Variants in TCF20 observed in about 807,000 individuals in gnomAD.
The protein encoded by TCF20 is SPRE-binding protein.
Under a neutral mutation model 148.6 loss-of-function variants are expected in TCF20, and 3 were observed. The ratio of observed to expected loss-of-function variants is 0.02; its 90% CI spans 0.01 to 0.05. The LOEUF is 0.05. Ranked by LOEUF, TCF20 falls within the 10% of genes least tolerant of loss-of-function variation. The pLI, the probability that TCF20 is intolerant of heterozygous loss-of-function variation, is 1.00. For missense variants in TCF20, 2,350 were observed against 2,429.3 expected (o/e 0.97, Z 0.69); for synonymous variants, 1,049 against 909.5 (o/e 1.15, Z -2.76).
intron 1 of TCF20, among the ~76,000 whole-genome samples, chr22:42,243,486 C>T (rs1924644679): frequency 6.6e-6 from 1 of 151,748 alleles, no homozygotes; most frequent in African/African-American, 2.4e-5. Context: ...CCTGTAATCC[C>T]AGCTACTCAG....
At chr22:42,225,381 G>A (rs377227814) in intron 1 of TCF20, among the ~76,000 whole-genome samples, 105 of 151,750 alleles carry the variant, frequency 6.9e-4, no homozygotes, top group African/African-American at 2.4e-3. Context: ...TTGGGAGGCC[G>A]AGGCGGGTGG....
At chr22:42,162,794 G>T (rs1335534309) in intron 5 of TCF20, among the ~76,000 whole-genome samples, 1 of 152,162 alleles carries the variant, frequency 6.6e-6, no homozygotes, top group African/African-American at 2.4e-5. Flanking sequence ...AACTGCTAAG[G>T]CGGCTGGGGC....
chr22:42,260,702 T>C (rs990666146), intron 1 of TCF20, among the ~76,000 whole-genome samples: 10 of 152,146 alleles, frequency 6.6e-5, no homozygotes, highest in African/African-American at 2.4e-4. Flanking sequence ...CAGGCCTTTC[T>C]TAAACTCCTG....
In TCF20 at chr22:42,213,728, A is replaced by C; in HGVS notation, c.1578T>G (p.Ser526Arg). ...GCACTCTCTCGCCTTGATCCTCTGAACTGCTGGAGCAGCCTCCATCTAATG... is the reference window on the plus strand; with the variant it reads ...GCACTCTCTCGCCTTGATCCTCTGACCTGCTGGAGCAGCCTCCATCTAATG... The part of the protein sequence containing the change: ...AESLDGGCSS[S>R]SEDQGERVRQ... Residue 526 changes from serine (S) to arginine (R), a missense_variant, in exon 2 of 6, where the codon AGT (serine) becomes AGG (arginine). Ser to Arg is a moderately radical substitution (Grantham distance 110, BLOSUM62 -1). Transcript: ENST00000677622. The C allele has an allele frequency of 5.0e-6, 8 of 1,613,994 alleles. No homozygotes were observed. Among genetic ancestry groups the C allele is most frequent in the Non-Finnish European group, 6.8e-6 (8 of 1,179,964 alleles).
chr22:42,225,336 C>T (rs1021959639), intron 1 of TCF20, among the ~76,000 whole-genome samples: 7 of 151,632 alleles, frequency 4.6e-5, no homozygotes, highest in Non-Finnish European at 1.0e-4. Flanking sequence ...ACCCTTAGGC[C>T]GGGCGCGGTG....
At chr22:42,207,846 G>A (rs1268529544) in intron 2 of TCF20, among the ~76,000 whole-genome samples, 2 of 151,764 alleles carry the variant, frequency 1.3e-5, no homozygotes, top group Non-Finnish European at 2.9e-5. Context: ...GACATCTGAA[G>A]AACCTCTAAC....
chr22:42,176,172 C>T (rs1350557113), intron 3 of TCF20, among the ~76,000 whole-genome samples: 2 of 152,172 alleles, frequency 1.3e-5, no homozygotes, highest in Non-Finnish European at 2.9e-5. Flanking sequence ...TCCACATGTA[C>T]GTGTGAATAC....
chr22:42,211,085 C>T lies in TCF20; in HGVS notation c.4221G>A (p.Lys1407=), dbSNP rs779927987. ...GGTCCGAAGCCACCTCACCTTTTCT[C>T]TTCTCTATGTCAGCATCCTGAACAG... The part of the protein sequence containing the change: ...SVAVQDADIE[K]RKGEVASDLV... Residue 1407 remains lysine (K), a synonymous_variant, in exon 2 of 6, where the codon AAG becomes AAA. Coordinates refer to ENST00000677622, the MANE Select transcript of TCF20 (RefSeq NM_001378418.1). 6.2e-7 allele frequency: 1 copy of T among 1,614,194 alleles called. No homozygotes were observed. Among genetic ancestry groups the T allele is most frequent in the Admixed American group, 1.7e-5 (1 of 60,026 alleles).
Position 42,297,235 on chromosome 22 carries a change from G to A in TCF20, c.-37+46244C>T, listed in dbSNP as rs1402603042. ...AATGGGCATGATCAGAGAGGGCTAC[G>A]CTGTAGAACTGACCAGGGGGCTGAA... is the stretch of plus-strand genomic sequence containing the variant. On this transcript the variant is annotated intron_variant, in intron 1 of 1. Transcript: ENST00000515426. This position sits in a 1 kb window ranked among gnomAD's most constrained non-coding sequence, Gnocchi z 4.3. 5.3e-5 allele frequency among the ~76,000 whole-genome samples: 8 copies of A among 152,212 alleles called. No individual in the cohort carries two copies. The highest frequency in any genetic ancestry group is 4.4e-5 in the Non-Finnish European group (3 of 68,034).
intron 2 of TCF20, among the ~76,000 whole-genome samples, chr22:42,201,787 A>G (rs1938044849): frequency 6.6e-6 from 1 of 151,788 alleles, no homozygotes. Context: ...ACAAAACCAA[A>G]CCAAAAAAAC....
At chr22:42,244,072 C>T (rs1420627565) in intron 1 of TCF20, among the ~76,000 whole-genome samples, 2 of 152,042 alleles carry the variant, frequency 1.3e-5, no homozygotes, top group Non-Finnish European at 2.9e-5. Flanking sequence ...GGTATGGTGG[C>T]ACATACCTGT....
At chr22:42,275,559 AT>A (rs1287730038), upstream of TCF20, among the ~76,000 whole-genome samples, 1 of 152,180 alleles carries the variant, frequency 6.6e-6, no homozygotes, top group Non-Finnish European at 1.5e-5. Flanking sequence ...TCAGCTGTAA[AT>A]TGGGCTGGGA....
chr22:42,241,574 T>C (rs911117117), intron 1 of TCF20, among the ~76,000 whole-genome samples: 25 of 152,290 alleles, frequency 1.6e-4, no homozygotes, highest in African/African-American at 5.8e-4. Context: ...TACTTGTAAT[T>C]CCAGCACTTT....
intron 1 of TCF20, among the ~76,000 whole-genome samples, chr22:42,268,481 G>A (rs1354130160): frequency 3.9e-5 from 6 of 152,202 alleles, no homozygotes. Flanking sequence ...CATTTCACAG[G>A]AGATGTTATG....
At chr22:42,170,301 C>A (rs1366657772) in intron 3 of TCF20, among the ~76,000 whole-genome samples, 1 of 150,140 alleles carries the variant, frequency 6.7e-6, no homozygotes, top group African/African-American at 2.5e-5. Flanking sequence ...GAGTCAAGAC[C>A]AGCTTGGGCA....
At chr22:42,255,499 A>G (rs1350755013) in intron 1 of TCF20, among the ~76,000 whole-genome samples, 1 of 132,294 alleles carries the variant, frequency 7.6e-6, no homozygotes, top group African/African-American at 2.6e-5. Flanking sequence ...AACAACAACA[A>G]CAACAACAAC....
intron 1 of TCF20, among the ~76,000 whole-genome samples, chr22:42,222,194 A>AT (rs1922442288): frequency 6.6e-6 from 1 of 152,126 alleles, no homozygotes; most frequent in Admixed American, 6.5e-5. Flanking sequence ...TAACTAACTC[A>AT]TTTTCAATGA....
intron 1 of TCF20, among the ~76,000 whole-genome samples, chr22:42,225,871 G>A (rs1349563984): frequency 6.6e-6 from 1 of 152,136 alleles, no homozygotes; most frequent in African/African-American, 2.4e-5. Context: ...TGTGCACACA[G>A]GGTCACTAGC....
intron 5 of TCF20, among the ~76,000 whole-genome samples, chr22:42,161,972 CTTTTTTTTTT>C (rs3045573): frequency 5.2e-4 from 39 of 75,028 alleles, no homozygotes; most frequent in East Asian, 9.4e-4. Flanking sequence ...TAATGACAGT[CTTTTTTTTTT>C]TTTTTTTTTT....
Sources: allele counts gnomAD v4.1 joint callset (sites outside exome capture counted in the v4.1 genomes callset), GRCh38; gene constraint gnomAD v4.1.1; non-coding constraint Gnocchi (gnomAD v3.1); transcripts MANE v1.5; gene names NCBI Gene and HGNC (gene_info 2026-07-23, HGNC 2026-07-21).